EEPD1: variants seen among roughly 807,000 people sequenced by gnomAD.
EEPD1 encodes the protein endonuclease/exonuclease/phosphatase family domain-containing protein 1.
Under a neutral mutation model 46.3 loss-of-function variants are expected in EEPD1, and 17 were observed. The observed-to-expected ratio is 0.37, with a 90% CI of 0.25 to 0.55. The LOEUF is 0.55. EEPD1 is among the 20% of genes least tolerant of loss of function. The probability of loss-of-function intolerance (pLI) is 0.83; values close to 1 mark genes in which losing one functional copy is unlikely to be tolerated. For synonymous variants in EEPD1, 313 were observed against 315.6 expected, an observed-to-expected ratio of 0.99 and a Z score of 0.09; for missense variants, 673 against 745.6, an observed-to-expected ratio of 0.90 and a Z score of 1.13.
At chr7:36,245,816 T>C (rs1786631437) in intron 3 of EEPD1, among the ~76,000 whole-genome samples, 1 of 152,256 alleles carries the variant, frequency 6.6e-6, no homozygotes, top group South Asian at 2.1e-4. Context: ...ATCCATTAGG[T>C]CCCAAGAGCA....
At position 36,229,577 on chromosome 7, in the gene EEPD1, C is replaced by T. The variant is rs981311911; in HGVS notation, c.879-9408C>T. On this transcript the variant is annotated intron_variant, in intron 2 of 7. Transcript: ENST00000242108. ...GATTTTAATGTCGTCATTTCTCCTC[C>T]TTCACTTCTATCCACTTCTCACCCA... Among the ~76,000 whole-genome samples the T allele has an allele frequency of 3.3e-5, 5 of 152,140 alleles. No individual in the cohort carries two copies. In the South Asian group the frequency reaches 6.2e-4, roughly 19 times the overall value.
chr7:36,299,981 CCTT>C lies in EEPD1; in HGVS notation c.*777_*779del, dbSNP rs1476453673. ...CTGTCATCTCCCCTTCCCAGCCCCT[CCTT>C]CATCCCCTGCCTCCTTCACCAGCCT... On this transcript the variant is annotated 3_prime_UTR_variant, in exon 8 of 8. Transcript: ENST00000242108. 6.5e-6 allele frequency: 1 copy of C among 152,716 alleles called. No individual in the cohort carries two copies. Among genetic ancestry groups the C allele is most frequent in the African/African-American group, 2.4e-5 (1 of 41,462 alleles). The allele number at this position is 152,716 out of a possible 1,614,324, so 9.5% of individuals were successfully genotyped here.
intron 2 of EEPD1, among the ~76,000 whole-genome samples, chr7:36,185,080 C>G (rs1785342651): frequency 6.6e-6 from 1 of 152,184 alleles, no homozygotes; most frequent in Non-Finnish European, 1.5e-5. Context: ...TGCCTGCCTC[C>G]CAACACCATT....
At chr7:36,184,255 T>G (rs1785323333) in intron 2 of EEPD1, among the ~76,000 whole-genome samples, 1 of 152,238 alleles carries the variant, frequency 6.6e-6, no homozygotes, top group South Asian at 2.1e-4. Flanking sequence ...TTCTTTTTTG[T>G]ATTTTTCTAC....
At chr7:36,183,421 G>A (rs1330222409) in intron 2 of EEPD1, among the ~76,000 whole-genome samples, 2 of 152,104 alleles carry the variant, frequency 1.3e-5, no homozygotes, top group African/African-American at 2.4e-5. Flanking sequence ...CAGCATATTG[G>A]AGAGCTGCAC....
chr7:36,294,288 TACTC>T (rs1342856711), intron 6 of EEPD1, among the ~76,000 whole-genome samples: 2 of 152,286 alleles, frequency 1.3e-5, no homozygotes, highest in East Asian at 1.9e-4. Flanking sequence ...AAACATCTAG[TACTC>T]ACTCAAATAT....
At chr7:36,156,189 A>T (rs182185971) in intron 2 of EEPD1, among the ~76,000 whole-genome samples, 2 of 152,222 alleles carry the variant, frequency 1.3e-5, no homozygotes, top group African/African-American at 4.8e-5. Context: ...GCGGGGGGGC[A>T]GCAGTTTGGT....
intron 3 of EEPD1, among the ~76,000 whole-genome samples, chr7:36,280,492 C>T (rs1299276167): frequency 2.0e-5 from 3 of 152,212 alleles, no homozygotes; most frequent in Non-Finnish European, 4.4e-5. Flanking sequence ...TGTTCCACTC[C>T]TCATCCTACT....
chr7:36,224,041 T>G (rs1465862237), intron 2 of EEPD1, among the ~76,000 whole-genome samples: 2 of 152,264 alleles, frequency 1.3e-5, no homozygotes, highest in African/African-American at 2.4e-5. Context: ...TACTTTAGTT[T>G]TATCTCCTGC....
At chr7:36,156,671 C>T (rs1784829956) in intron 2 of EEPD1, among the ~76,000 whole-genome samples, 1 of 152,152 alleles carries the variant, frequency 6.6e-6, no homozygotes, top group African/African-American at 2.4e-5. Flanking sequence ...AACCAGGCAG[C>T]CCCTGCCTAT....
At chr7:36,175,920 G>A (rs1411041149) in intron 2 of EEPD1, among the ~76,000 whole-genome samples, 1 of 152,240 alleles carries the variant, frequency 6.6e-6, no homozygotes, top group Non-Finnish European at 1.5e-5. Flanking sequence ...GGGCTGAGCA[G>A]GTCACTGCCG....
chr7:36,278,371 G>A (rs893766120), intron 3 of EEPD1, among the ~76,000 whole-genome samples: 1 of 152,146 alleles, frequency 6.6e-6, no homozygotes, highest in Admixed American at 6.5e-5. Flanking sequence ...GGAGAGATTA[G>A]ATTTCTGGAA....
In EEPD1 at chr7:36,300,298, C is replaced by A. The variant is rs562965107; in HGVS notation, c.*1092C>A. On this transcript the variant is annotated 3_prime_UTR_variant, in exon 8 of 8. Transcript: ENST00000242108. ...GTGCCTGCCACTAGGCATCTGCATC[C>A]CCGAGCCCAAGCCAGGAGGGATTTC... 2 of 152,346 alleles carry A rather than the reference C, an allele frequency of 1.3e-5. No homozygotes were observed. The highest frequency in any genetic ancestry group is 2.4e-5 in the African/African-American group (1 of 41,566). The allele number at this position is 152,346 out of a possible 1,614,324, so 9.4% of individuals were successfully genotyped here. A position where few individuals can be genotyped will look rare whatever the true frequency, so the allele number is the denominator to read the frequency against.
chr7:36,153,920 G>A (rs1161606399), intron 1 of EEPD1, among the ~76,000 whole-genome samples: 3 of 152,156 alleles, frequency 2.0e-5, no homozygotes, highest in African/African-American at 7.2e-5. Context: ...AAGAGAAGCG[G>A]CTCGTAGCCT....
intron 2 of EEPD1, among the ~76,000 whole-genome samples, chr7:36,179,700 A>T (rs1785240211): frequency 2.3e-5 from 2 of 88,696 alleles, no homozygotes; most frequent in Non-Finnish European, 5.0e-5. Flanking sequence ...TCTCTACTAA[A>T]AAAAAAAAAA....
intron 6 of EEPD1, among the ~76,000 whole-genome samples, chr7:36,292,537 T>C (rs1165859409): frequency 1.3e-5 from 2 of 151,560 alleles, no homozygotes; most frequent in East Asian, 3.9e-4. Context: ...TTTGACAGAG[T>C]CTCACTCTAG....
intron 2 of EEPD1, among the ~76,000 whole-genome samples, chr7:36,181,556 T>C (rs563738705): frequency 3.3e-5 from 5 of 152,142 alleles, no homozygotes; most frequent in Admixed American, 2.0e-4. Context: ...GCACCTGGAG[T>C]TGGCCTGTAT....
chr7:36,168,968 A>G (rs768740188), intron 2 of EEPD1, among the ~76,000 whole-genome samples: 1 of 152,186 alleles, frequency 6.6e-6, no homozygotes, highest in Non-Finnish European at 1.5e-5. Flanking sequence ...ATTGTATAGT[A>G]TGTGACCTTT....
At chr7:36,210,173 G>A (rs558621065) in intron 2 of EEPD1, among the ~76,000 whole-genome samples, 1 of 152,266 alleles carries the variant, frequency 6.6e-6, no homozygotes, top group South Asian at 2.1e-4. Flanking sequence ...AACAGAGCAG[G>A]AAAGTGATAA....
Sources: allele counts gnomAD v4.1 joint callset (sites outside exome capture counted in the v4.1 genomes callset), GRCh38; gene constraint gnomAD v4.1.1; transcripts MANE v1.5; gene names NCBI Gene and HGNC (gene_info 2026-07-23, HGNC 2026-07-21).